CACNA2D3: variants seen among roughly 807,000 people sequenced by gnomAD.
The protein encoded by CACNA2D3 is calcium voltage-gated channel auxiliary subunit alpha2delta 3, also known as voltage-dependent calcium channel subunit alpha-2/delta-3.
Under a neutral mutation model 160.6 loss-of-function variants are expected in CACNA2D3, and 60 were observed. The ratio of observed to expected loss-of-function variants is 0.37; its 90% CI spans 0.30 to 0.46. The LOEUF (loss-of-function observed/expected upper bound fraction) is 0.46. CACNA2D3 is among the 20% of genes least tolerant of loss of function. CACNA2D3 has a pLI of 1.00. For missense variants in CACNA2D3, 1,205 were observed against 1,365.0 expected (o/e 0.88, Z 1.85); for synonymous variants, 558 against 492.9 (o/e 1.13, Z -1.75).
chr3:55,018,074 C>A, intron 34 of CACNA2D3, 132 bp from the exon 35 acceptor site: 1 of 630,634 alleles, frequency 1.6e-6, no homozygotes, highest in Non-Finnish European at 2.9e-6. Context: ...GAAAATAATG[C>A]ATTATGCTGT....
chr3:54,623,189 CTT>C (rs1699027789), intron 9 of CACNA2D3, among the ~76,000 whole-genome samples: 1 of 151,898 alleles, frequency 6.6e-6, no homozygotes, highest in Non-Finnish European at 1.5e-5. Flanking sequence ...GGGCTCAAGC[CTT>C]GTTGTCCCCA....
intron 3 of CACNA2D3, among the ~76,000 whole-genome samples, chr3:54,369,513 C>T (rs1420693433): frequency 1.3e-5 from 2 of 152,196 alleles, no homozygotes; most frequent in African/African-American, 4.8e-5. Context: ...CAGCCTCTGA[C>T]CACCCTGGAT....
intron 35 of CACNA2D3, among the ~76,000 whole-genome samples, chr3:55,051,471 T>C (rs1315583168): frequency 6.6e-6 from 1 of 152,028 alleles, no homozygotes; most frequent in Non-Finnish European, 1.5e-5. Context: ...TTCTCAGATC[T>C]CCAGCTGCAT....
At chr3:54,785,688 C>A (rs949004892) in intron 13 of CACNA2D3, among the ~76,000 whole-genome samples, 10 of 152,256 alleles carry the variant, frequency 6.6e-5, no homozygotes, top group African/African-American at 2.4e-4. Flanking sequence ...ACAGAAATGT[C>A]AGTGACTAGG....
At chr3:54,197,065 T>A (rs1559878970) in intron 2 of CACNA2D3, among the ~76,000 whole-genome samples, 1 of 152,200 alleles carries the variant, frequency 6.6e-6, no homozygotes, top group Non-Finnish European at 1.5e-5. Flanking sequence ...AATTTTATCT[T>A]CAAGATTTAA....
intron 11 of CACNA2D3, among the ~76,000 whole-genome samples, chr3:54,696,506 G>T (rs939258329): frequency 6.6e-6 from 1 of 151,936 alleles, no homozygotes; most frequent in African/African-American, 2.4e-5. Flanking sequence ...TTAGAAGAGG[G>T]TTTTTTTTCT....
rs139000016 is a variant in CACNA2D3, at chr3:54,348,193, C to T, written c.321+27635C>T. Among the ~76,000 whole-genome samples, 21 of 152,258 alleles carry T rather than the reference C, an allele frequency of 1.4e-4. No individual in the cohort carries two copies. In the East Asian group the frequency reaches 3.9e-3, roughly 28 times the overall value. On this transcript the variant is annotated intron_variant, in intron 3 of 37. Transcript: ENST00000474759. The stretch of plus-strand genomic sequence containing the variant: ...AGTAATCCAGTTTTCTAACCACAGA[C>T]CCCTTTGCTGCCCTTTGAATGGATT...
At chr3:54,692,123 G>A (rs1485661219) in intron 11 of CACNA2D3, among the ~76,000 whole-genome samples, 5 of 151,984 alleles carry the variant, frequency 3.3e-5, no homozygotes, top group Admixed American at 6.6e-5. Flanking sequence ...ACAGGCATGC[G>A]CCACCATGCC....
intron 11 of CACNA2D3, among the ~76,000 whole-genome samples, chr3:54,721,878 T>C (rs1701176525): frequency 6.6e-6 from 1 of 151,986 alleles, no homozygotes; most frequent in Admixed American, 6.6e-5. Context: ...GAATCTGACG[T>C]TTATGTGTCT....
intron 13 of CACNA2D3, among the ~76,000 whole-genome samples, chr3:54,787,483 C>CT (rs1200793898): frequency 6.6e-6 from 1 of 152,164 alleles, no homozygotes; most frequent in Non-Finnish European, 1.5e-5. Flanking sequence ...CTCTTAGATT[C>CT]AGTGACCAAA....
chr3:54,129,541 G>C (rs569133113), intron 2 of CACNA2D3, among the ~76,000 whole-genome samples: 2 of 152,276 alleles, frequency 1.3e-5, no homozygotes, highest in East Asian at 3.9e-4. Flanking sequence ...ACATTTCAAG[G>C]CCATATTGGA....
At chr3:55,027,577 A>G (rs1030362119) in intron 35 of CACNA2D3, among the ~76,000 whole-genome samples, 3 of 152,160 alleles carry the variant, frequency 2.0e-5, no homozygotes, top group Non-Finnish European at 2.9e-5. Context: ...CCTGGAAGGA[A>G]TGAGATTTTT....
intron 35 of CACNA2D3, among the ~76,000 whole-genome samples, chr3:55,043,584 G>A (rs1373320559): frequency 1.3e-5 from 2 of 151,942 alleles, no homozygotes; most frequent in African/African-American, 4.8e-5. Flanking sequence ...AACATGGCCT[G>A]CAGCTTGTCT....
chr3:55,018,373 T>G, intron 35 of CACNA2D3, 56 bp downstream of exon 35: 1 of 1,062,366 alleles, frequency 9.4e-7, no homozygotes. Context: ...GCACAGAACT[T>G]TCCCAGATGG....
In CACNA2D3 at chr3:54,885,295, G is replaced by T. The variant is rs1553904841; in HGVS notation, c.1927G>T (p.Glu643Ter). The change falls in exon 22 of 38, where the codon GAA becomes TAA. Residue 643 changes from glutamate to a stop codon, truncating the protein, a stop_gained. Transcript: ENST00000474759. LOFTEE classifies it high-confidence loss of function. ...VTIEEGLHDL[E>*]HPDVSLADEW... The stretch of plus-strand genomic sequence containing the variant: ...TTGACCCCCAGGCCTGCATGACTTA[G>T]AACATCCCGATGTGTCCTTGGCAGA... 6.2e-7 allele frequency: 1 copy of T among 1,613,850 alleles called. No individual in the cohort carries two copies. The highest frequency in any genetic ancestry group is 8.5e-7 in the Non-Finnish European group (1 of 1,179,828).
chr3:54,257,115 G>A (rs950110766), intron 2 of CACNA2D3, among the ~76,000 whole-genome samples: 11 of 152,156 alleles, frequency 7.2e-5, no homozygotes, highest in African/African-American at 2.7e-4. Flanking sequence ...ACTAGTGATG[G>A]AATAGTCCAT....
chr3:54,400,554 A>C (rs1255106886), intron 4 of CACNA2D3, among the ~76,000 whole-genome samples: 1 of 151,782 alleles, frequency 6.6e-6, no homozygotes, highest in Non-Finnish European at 1.5e-5. Context: ...GTCACCAAGG[A>C]CCCTGACAGC....
chr3:55,018,564 T>G (rs1559465050), intron 35 of CACNA2D3, among the ~76,000 whole-genome samples: 1 of 152,204 alleles, frequency 6.6e-6, no homozygotes, highest in Non-Finnish European at 1.5e-5. Flanking sequence ...GTAGGTCAGT[T>G]TGTTCATGTT....
intron 2 of CACNA2D3, among the ~76,000 whole-genome samples, chr3:54,219,749 A>G (rs1303025804): frequency 6.6e-6 from 1 of 152,088 alleles, no homozygotes; most frequent in Non-Finnish European, 1.5e-5. Context: ...TGACATGGAT[A>G]GATGGTGTGT....
Sources: allele counts gnomAD v4.1 joint callset (sites outside exome capture counted in the v4.1 genomes callset), GRCh38; gene constraint gnomAD v4.1.1; transcripts MANE v1.5; gene names NCBI Gene and HGNC (gene_info 2026-07-23, HGNC 2026-07-21).